Variants in PCCA observed in about 807,000 individuals in gnomAD.
PCCA encodes the protein propionyl-CoA carboxylase alpha chain, mitochondrial.
Under a neutral mutation model 101.3 loss-of-function variants are expected in PCCA, and 74 were observed. The observed-to-expected ratio is 0.73, with a 90% CI of 0.61 to 0.89. The LOEUF (loss-of-function observed/expected upper bound fraction) is 0.89, where lower values mean the gene tolerates loss of function less well. Among genes scored for constraint, PCCA ranks in the 40% least tolerant of loss-of-function variants. The pLI is 0.00. For synonymous variants in PCCA, 294 were observed against 313.6 expected (o/e 0.94, Z 0.66); for missense variants, 891 against 907.0 (o/e 0.98, Z 0.23).
chr13:100,174,528 G>T (rs1050419544), intron 6 of PCCA, among the ~76,000 whole-genome samples: 4 of 149,912 alleles, frequency 2.7e-5, no homozygotes, highest in African/African-American at 9.9e-5. Flanking sequence ...AGGAGTTCAA[G>T]ATCAGCCTGG....
rs200422379 is a variant in PCCA at position 100,179,375 on chromosome 13, GA to G, written c.468+22043del. On this transcript the variant is annotated intron_variant, in intron 6 of 23. Coordinates refer to ENST00000376285, the MANE Select transcript of PCCA (RefSeq NM_000282.4). ...AACAGATGATTTCTGCATTTTACTGGAAAAAAAAGACTAAAATGTACAGCTA... is the reference window on the plus strand; with the variant it reads ...AACAGATGATTTCTGCATTTTACTGGAAAAAAAGACTAAAATGTACAGCTA... 3.7e-3 allele frequency among the ~76,000 whole-genome samples: 563 copies of G among 151,716 alleles called. 3 individuals are homozygous for G. Among genetic ancestry groups the G allele is most frequent in the African/African-American group, 0.013 (535 of 41,406 alleles).
chr13:100,459,452 C>T (rs1408693991), intron 21 of PCCA, among the ~76,000 whole-genome samples: 1 of 152,206 alleles, frequency 6.6e-6, no homozygotes, highest in Non-Finnish European at 1.5e-5. Context: ...ATTTATTTCC[C>T]TAGTATTTTC....
chr13:100,124,161 T>A (rs2049716126), intron 4 of PCCA, among the ~76,000 whole-genome samples: 1 of 152,272 alleles, frequency 6.6e-6, no homozygotes, highest in Non-Finnish European at 1.5e-5. Flanking sequence ...TGATATTTTT[T>A]AAAAAATGAG....
rs77219982 is a variant in PCCA at position 100,415,556 on chromosome 13, G to A, written c.1747-10077G>A. Among the ~76,000 whole-genome samples the A allele has an allele frequency of 1.5e-3, 225 of 152,224 alleles. 1 individual carries two copies. Among genetic ancestry groups the A allele is most frequent in the Non-Finnish European group, 2.1e-3 (144 of 68,020 alleles). On this transcript the variant is annotated intron_variant, in intron 19 of 23. Transcript: ENST00000376285. ...TTAGATATAACTTGACCAACAAATC[G>A]GTTTTTTATCCTTCATATCATCTTC...
intron 21 of PCCA, among the ~76,000 whole-genome samples, chr13:100,477,892 C>A (rs2083538234): frequency 6.6e-6 from 1 of 152,194 alleles, no homozygotes; most frequent in Non-Finnish European, 1.5e-5. Context: ...CCCTTCTTGT[C>A]CCGTCTGCAG....
At chr13:100,456,203 T>C (rs2081697030) in intron 21 of PCCA, among the ~76,000 whole-genome samples, 1 of 152,250 alleles carries the variant, frequency 6.6e-6, no homozygotes, top group Admixed American at 6.5e-5. Flanking sequence ...AGCCATTTGG[T>C]TTCCACCTCT....
chr13:100,207,043 G>C (rs937645762), intron 6 of PCCA, among the ~76,000 whole-genome samples: 1 of 152,108 alleles, frequency 6.6e-6, no homozygotes, highest in African/African-American at 2.4e-5. Flanking sequence ...CCTTATGCAG[G>C]CTCCGGTGTC....
intron 22 of PCCA, among the ~76,000 whole-genome samples, chr13:100,523,099 C>T (rs1219713174): frequency 6.6e-6 from 1 of 152,112 alleles, no homozygotes; most frequent in Non-Finnish European, 1.5e-5. Flanking sequence ...TTTGAATGAT[C>T]GGCATTGCCA....
chr13:100,198,623 C>T (rs1429216694), intron 6 of PCCA, among the ~76,000 whole-genome samples: 3 of 152,070 alleles, frequency 2.0e-5, no homozygotes, highest in Admixed American at 6.6e-5. Flanking sequence ...CTCAGCCTTC[C>T]GAGTAGCTGG....
At chr13:100,348,787 T>TCTTTCTTTCTTCCTTC (rs1298483783) in intron 18 of PCCA, among the ~76,000 whole-genome samples, 11 of 46,638 alleles carry the variant, frequency 2.4e-4, no homozygotes, top group East Asian at 2.1e-3. Context: ...TTTCTTTCTT[T>TCTTTCTTTCTTCCTTC]CTTCCTTCCT....
At position 100,400,630 on chromosome 13, in the gene PCCA, C is replaced by CTTTTTTTTTTTTTTTTTTTTTT. The variant is rs1281449669; in HGVS notation, c.1747-24986_1747-24985insTTTTTTTTTTTTTTTTTTTTTT. On this transcript the variant is annotated intron_variant, in intron 19 of 23. Coordinates refer to ENST00000376285, the MANE Select transcript of PCCA (RefSeq NM_000282.4). Reference sequence around the variant, plus strand: ...TGATTGATCTTAGTTCTTTTTAGTTCTTTTTTTTTTTTTTTTTGAGAGTTT... The same window carrying CTTTTTTTTTTTTTTTTTTTTTT: ...TGATTGATCTTAGTTCTTTTTAGTTCTTTTTTTTTTTTTTTTTTTTTTTTTTTTTTTTTTTTTTTGAGAGTTT... 4.2e-4 allele frequency among the ~76,000 whole-genome samples: 38 copies of CTTTTTTTTTTTTTTTTTTTTTT among 90,932 alleles called. 1 individual carries two copies. The highest frequency in any genetic ancestry group is 1.0e-3 in the African/African-American group (19 of 18,638). The allele number at this position is 90,932 out of a possible 152,430, so 59.7% of individuals were successfully genotyped here. A position where few individuals can be genotyped will look rare whatever the true frequency, so the allele number is the denominator to read the frequency against.
At chr13:100,167,060 C>G (rs1594489277) in intron 6 of PCCA, among the ~76,000 whole-genome samples, 1 of 152,026 alleles carries the variant, frequency 6.6e-6, no homozygotes, top group Non-Finnish European at 1.5e-5. Flanking sequence ...AGTTGCTTGT[C>G]TTATTTAGAC....
intron 10 of PCCA, 95 bp from the exon 11 acceptor site, chr13:100,268,594 T>C (rs1449991322): frequency 9.1e-6 from 8 of 878,220 alleles, no homozygotes; most frequent in Non-Finnish European, 1.4e-5. Context: ...AGTTTGAATA[T>C]TAAAAACCAA....
At chr13:100,151,819 T>C (rs1445877684) in intron 4 of PCCA, among the ~76,000 whole-genome samples, 1 of 152,178 alleles carries the variant, frequency 6.6e-6, no homozygotes, top group Non-Finnish European at 1.5e-5. Context: ...AGTTTAAACT[T>C]TCCATGGTTG....
At chr13:100,380,101 C>T (rs1045062334) in intron 19 of PCCA, among the ~76,000 whole-genome samples, 1 of 152,020 alleles carries the variant, frequency 6.6e-6, no homozygotes, top group Non-Finnish European at 1.5e-5. Context: ...TTGGCTCAGA[C>T]CTGTAATCCC....
chr13:100,113,163 C>T (rs2048479505), intron 4 of PCCA, among the ~76,000 whole-genome samples: 1 of 152,172 alleles, frequency 6.6e-6, no homozygotes, highest in African/African-American at 2.4e-5. Context: ...CAGCCTAGTA[C>T]ACACCTATAT....
chr13:100,331,161 G>A (rs1048779062), intron 17 of PCCA, among the ~76,000 whole-genome samples: 2 of 152,126 alleles, frequency 1.3e-5, no homozygotes, highest in African/African-American at 4.8e-5. Flanking sequence ...GTAATGAGTG[G>A]AATGTGAAAT....
At position 100,302,987 on chromosome 13, in the gene PCCA, C is replaced by A; in HGVS notation, c.1273C>A (p.His425Asn). 1 of 1,583,420 alleles carries A rather than the reference C, an allele frequency of 6.3e-7. No homozygotes were observed. Among genetic ancestry groups the A allele is most frequent in the Non-Finnish European group, 8.7e-7 (1 of 1,152,112 alleles). ...GRLSQYQEPL[H>N]LPGVRVDSGI... is the part of the protein sequence containing the mutation. ...ATTGTCTCAGTACCAAGAACCGTTA[C>A]ATCTACCTGGTGTAAGTCATTAAGC... The change falls in exon 14 of 24, where the codon CAT becomes AAT. Residue 425 changes from histidine to asparagine, a missense_variant. Physicochemically the swap from His to Asn is moderately conservative, Grantham distance 68. Coordinates refer to ENST00000376285, the MANE Select transcript of PCCA (RefSeq NM_000282.4).
chr13:100,314,096 G>A (rs1475430019), intron 16 of PCCA, among the ~76,000 whole-genome samples: 2 of 152,106 alleles, frequency 1.3e-5, no homozygotes, highest in African/African-American at 2.4e-5. Flanking sequence ...TAGATAGAAA[G>A]TGTTAACGTT....
Sources: allele counts gnomAD v4.1 joint callset (sites outside exome capture counted in the v4.1 genomes callset), GRCh38; gene constraint gnomAD v4.1.1; transcripts MANE v1.5; gene names NCBI Gene and HGNC (gene_info 2026-07-23, HGNC 2026-07-21).